The following ABCC4 variants were observed in gnomAD, a reference collection of about 807,000 sequenced individuals.
ABCC4 encodes the protein ATP binding cassette subfamily C member 4 (PEL blood group), also known as ATP-binding cassette sub-family C member 4.
In ABCC4, 102 loss-of-function variants were observed where a neutral mutation model predicts 168.5. The observed-to-expected ratio is 0.61, with a 90% CI of 0.52 to 0.71. ABCC4 has a LOEUF of 0.71. Ranked by LOEUF, ABCC4 falls within the 30% of genes least tolerant of loss-of-function variation. The pLI is 0.00. For synonymous variants in ABCC4, 617 were observed against 590.7 expected, an observed-to-expected ratio of 1.04 and a Z score of -0.65; for missense variants, 1,402 against 1,605.8, an observed-to-expected ratio of 0.87 and a Z score of 2.17.
In ABCC4 at chr13:95,244,670, A is replaced by AAATC. The variant is rs1555336343; in HGVS notation, c.306+2301_306+2304dup. Among the ~76,000 whole-genome samples, 71 of 106,458 alleles carry AAATC rather than the reference A, an allele frequency of 6.7e-4. 9 individuals are homozygous for AAATC. Among genetic ancestry groups the AAATC allele is most frequent in the East Asian group, 2.5e-3 (10 of 3,966 alleles). The allele number at this position is 106,458 out of a possible 152,430, so 69.8% of individuals were successfully genotyped here. A position where few individuals can be genotyped will look rare whatever the true frequency, so the allele number is the denominator to read the frequency against. ...GAAAGAAAGAAAGAAAGAAAGAAAG[A>AAATC]AATCATAGCAGTTCCTGGTACATAG... On this transcript the variant is annotated intron_variant, in intron 3 of 30. Coordinates refer to ENST00000645237, the MANE Select transcript of ABCC4 (RefSeq NM_005845.5).
At chr13:95,072,416 G>A (rs533389888) in intron 24 of ABCC4, among the ~76,000 whole-genome samples, 99 of 152,196 alleles carry the variant, frequency 6.5e-4, no homozygotes, top group Admixed American at 1.8e-3. Context: ...AGCCAAGATC[G>A]CACTATTGCA....
intron 13 of ABCC4, among the ~76,000 whole-genome samples, chr13:95,175,317 A>T (rs1312422528): frequency 1.3e-5 from 2 of 151,270 alleles, no homozygotes; most frequent in Non-Finnish European, 2.9e-5. Context: ...TTTTTTTTTT[A>T]TTATTATTAT....
intron 1 of ABCC4, among the ~76,000 whole-genome samples, chr13:95,280,590 A>C (rs1472519244): frequency 2.6e-5 from 4 of 151,536 alleles, no homozygotes; most frequent in South Asian, 4.2e-4. Context: ...AAAAAAAAAA[A>C]AAAACCATCC....
chr13:95,293,311 T>C (rs2041448473), intron 1 of ABCC4, among the ~76,000 whole-genome samples: 1 of 151,420 alleles, frequency 6.6e-6, no homozygotes, highest in Non-Finnish European at 1.5e-5. Context: ...TGAGCCGAGA[T>C]CATGCCACTG....
intron 1 of ABCC4, among the ~76,000 whole-genome samples, chr13:95,296,315 C>T (rs2041535132): frequency 6.8e-6 from 1 of 146,364 alleles, no homozygotes; most frequent in South Asian, 2.3e-4. Context: ...GAGACCTCAT[C>T]TCTACAAGAA....
At chr13:95,189,215 G>A (rs1032300534) in intron 9 of ABCC4, among the ~76,000 whole-genome samples, 5 of 134,260 alleles carry the variant, frequency 3.7e-5, no homozygotes, top group African/African-American at 1.4e-4. Flanking sequence ...CTCACTGCAA[G>A]CTCCGCCTTC....
intron 20 of ABCC4, among the ~76,000 whole-genome samples, chr13:95,114,218 G>T (rs948632492): frequency 6.6e-6 from 1 of 152,152 alleles, no homozygotes; most frequent in Non-Finnish European, 1.5e-5. Flanking sequence ...AACGAGACTA[G>T]AATTTTCCCT....
intron 20 of ABCC4, among the ~76,000 whole-genome samples, chr13:95,108,641 C>CT (rs11396828): frequency 0.34 from 49,378 of 145,118 alleles, 9,186 homozygotes; most frequent in African/African-American, 0.52. Context: ...AATCTATTTT[C>CT]TTTTTTTTTT....
chr13:95,089,368 C>A (rs1319456428), intron 20 of ABCC4, among the ~76,000 whole-genome samples: 2 of 152,146 alleles, frequency 1.3e-5, no homozygotes, highest in Non-Finnish European at 2.9e-5. Flanking sequence ...ACCTGTAATC[C>A]CAGCACTTTG....
intron 20 of ABCC4, among the ~76,000 whole-genome samples, chr13:95,115,616 G>C (rs908590828): frequency 5.3e-5 from 8 of 151,974 alleles, no homozygotes; most frequent in Admixed American, 3.3e-4. Flanking sequence ...TATGAAATGT[G>C]TTCACAGTAA....
chr13:95,259,137 G>A lies in ABCC4; in HGVS notation c.75-11384C>T, dbSNP rs201078452. On this transcript the variant is annotated intron_variant, in intron 1 of 30. Coordinates refer to ENST00000645237, the MANE Select transcript of ABCC4 (RefSeq NM_005845.5). ...CATGGTGGCTCACGCCTGTAATCCCGGCACTTTAGGAGGCTGAGGCAGGTG... is the reference window on the plus strand; with the variant it reads ...CATGGTGGCTCACGCCTGTAATCCCAGCACTTTAGGAGGCTGAGGCAGGTG... 1.8e-3 allele frequency among the ~76,000 whole-genome samples: 279 copies of A among 152,078 alleles called. 1 individual carries two copies. The highest frequency in any genetic ancestry group is 6.4e-3 in the African/African-American group (267 of 41,488).
chr13:95,061,331 T>C (rs34843402), intron 26 of ABCC4, among the ~76,000 whole-genome samples: 1 of 152,128 alleles, frequency 6.6e-6, no homozygotes, highest in African/African-American at 2.4e-5. Flanking sequence ...CCACCAACAG[T>C]GCACAGGGTT....
In ABCC4 at chr13:95,186,725, G is replaced by A. The variant is rs751419635; in HGVS notation, c.1521C>T (p.Val507=). 2 of 1,613,800 alleles carry A rather than the reference G, an allele frequency of 1.2e-6. No homozygotes were observed. The highest frequency in any genetic ancestry group is 2.7e-5 in the African/African-American group (2 of 74,904). The part of the protein sequence containing the change: ...KKYEKERYEK[V]IKACALKKDL... ...CCTTTTTCAGAGCACAAGCCTTTAT[G>A]ACTTTTTCATATCGTTCCTTTTCGT... Residue 507 remains valine, a synonymous_variant, in exon 11 of 31, where the codon GTC becomes GTT. Transcript: ENST00000645237.
At position 95,074,253 on chromosome 13, in the gene ABCC4, C is replaced by T. The variant is rs866391149; in HGVS notation, c.2878G>A (p.Val960Ile). Residue 960 changes from valine to isoleucine, a missense_variant, in exon 23 of 31, where the codon GTC becomes ATC. Transcript: ENST00000645237. ...VRLDAICAMF[V>I]IIVAFGSLIL... ...AGGGACCCAAAGGCAACGATGATGA[C>T]AAACATGGCACAGATGGCATCCAGA... 6.2e-7 allele frequency: 1 copy of T among 1,614,008 alleles called. No individual in the cohort carries two copies. The highest frequency in any genetic ancestry group is 1.7e-4 in the Middle Eastern group (1 of 6,058).
chr13:95,191,121 C>T (rs2038238706), intron 9 of ABCC4, among the ~76,000 whole-genome samples: 1 of 152,164 alleles, frequency 6.6e-6, no homozygotes. Context: ...TCATCAACCC[C>T]TCTCCACATC....
intron 11 of ABCC4, among the ~76,000 whole-genome samples, chr13:95,179,107 G>A (rs891283417): frequency 6.6e-6 from 1 of 152,214 alleles, no homozygotes; most frequent in African/African-American, 2.4e-5. Context: ...AAGTGAGTCT[G>A]GAGGTCTGTG....
chr13:95,026,630 T>C (rs1296402098), intron 30 of ABCC4, among the ~76,000 whole-genome samples: 2 of 152,200 alleles, frequency 1.3e-5, no homozygotes, highest in Admixed American at 1.3e-4. Flanking sequence ...GGCACACATC[T>C]GTAATCCCAG....
intron 19 of ABCC4, among the ~76,000 whole-genome samples, chr13:95,116,296 T>C (rs2139413341): frequency 6.6e-6 from 1 of 152,286 alleles, no homozygotes; most frequent in South Asian, 2.1e-4. Flanking sequence ...TTCTAGAATG[T>C]TCCCTCCTTT....
At chr13:95,135,201 CGAGCTT>C (rs2036107001) in intron 19 of ABCC4, among the ~76,000 whole-genome samples, 1 of 152,104 alleles carries the variant, frequency 6.6e-6, no homozygotes, top group Non-Finnish European at 1.5e-5. Context: ...GACACCAGCA[CGAGCTT>C]GAGAATCCCA....
Sources: allele counts gnomAD v4.1 joint callset (sites outside exome capture counted in the v4.1 genomes callset), GRCh38; gene constraint gnomAD v4.1.1; transcripts MANE v1.5; gene names NCBI Gene and HGNC (gene_info 2026-07-23, HGNC 2026-07-21).